GLIS3: variants seen among roughly 807,000 people sequenced by gnomAD.
The protein encoded by GLIS3 is zinc finger protein GLIS3.
A neutral mutation model predicts 78.6 loss-of-function variants in GLIS3; 53 were observed. The ratio of observed to expected loss-of-function variants is 0.67; its 90% CI spans 0.54 to 0.85. The LOEUF (loss-of-function observed/expected upper bound fraction) is 0.85. Among genes scored for constraint, GLIS3 ranks in the 40% least tolerant of loss-of-function variants. The pLI, the probability that GLIS3 is intolerant of heterozygous loss-of-function variation, is 0.00. For synonymous variants in GLIS3, 684 were observed against 509.9 expected, an observed-to-expected ratio of 1.34 and a Z score of -4.60; for missense variants, 1,703 against 1,231.1, an observed-to-expected ratio of 1.38 and a Z score of -5.74.
intron 2 of GLIS3, among the ~76,000 whole-genome samples, chr9:4,162,144 G>A (rs1274298716): frequency 2.0e-5 from 3 of 152,086 alleles, no homozygotes; most frequent in Non-Finnish European, 2.9e-5. Flanking sequence ...CACCTCCTCT[G>A]TCGTCATGTG....
At position 3,985,050 on chromosome 9, in the gene GLIS3, G is replaced by C. The variant is rs1196075516; in HGVS notation, c.1711-47861C>G. Among the ~76,000 whole-genome samples the C allele has an allele frequency of 3.3e-5, 5 of 150,834 alleles. No individual in the cohort carries two copies. In the East Asian group the frequency reaches 9.7e-4, roughly 29 times the overall value. ...TTGTAAATTGCCCAGTCTCAGGTAT[G>C]TCTTCATCAGCAGTGTAAGAACAGA... On this transcript the variant is annotated intron_variant, in intron 4 of 10. Transcript: ENST00000381971.
chr9:3,959,185 T>C (rs974643531), intron 4 of GLIS3, among the ~76,000 whole-genome samples: 2 of 152,206 alleles, frequency 1.3e-5, no homozygotes, highest in African/African-American at 4.8e-5. Flanking sequence ...CAGAGCCCTC[T>C]TGAATGGGAT....
intron 1 of GLIS3, among the ~76,000 whole-genome samples, chr9:4,288,247 T>C (rs1828164163): frequency 6.6e-6 from 1 of 152,244 alleles, no homozygotes; most frequent in African/African-American, 2.4e-5. Context: ...GCCATCTATT[T>C]TCCTCTCATT....
intron 4 of GLIS3, among the ~76,000 whole-genome samples, chr9:3,940,549 T>C (rs899792398): frequency 3.3e-5 from 5 of 152,152 alleles, no homozygotes; most frequent in African/African-American, 9.7e-5. Context: ...GTAGGAACCA[T>C]GAGCCCAGGA....
At chr9:4,098,390 G>C (rs1035638052) in intron 4 of GLIS3, among the ~76,000 whole-genome samples, 5 of 152,196 alleles carry the variant, frequency 3.3e-5, no homozygotes, top group African/African-American at 1.2e-4. Context: ...GAATGATATA[G>C]AAGGGACACC....
intron 2 of GLIS3, among the ~76,000 whole-genome samples, chr9:4,202,712 A>G (rs1326976845): frequency 1.3e-5 from 2 of 152,214 alleles, no homozygotes; most frequent in Non-Finnish European, 2.9e-5. Context: ...AAAGTAAGCA[A>G]TGGGGAAAGG....
At chr9:4,084,928 G>A (rs1828896081) in intron 4 of GLIS3, among the ~76,000 whole-genome samples, 1 of 151,694 alleles carries the variant, frequency 6.6e-6, no homozygotes, top group Non-Finnish European at 1.5e-5. Context: ...AAAAGACGCA[G>A]ATAAGGGTGA....
At chr9:4,039,997 G>C (rs924716407) in intron 4 of GLIS3, among the ~76,000 whole-genome samples, 11 of 152,146 alleles carry the variant, frequency 7.2e-5, no homozygotes, top group African/African-American at 1.2e-4. Context: ...CTTAAGAGGA[G>C]AGCCAAGAGA....
At chr9:4,389,520 G>C in the GLIS3 span, among the ~76,000 whole-genome samples, 42 of 152,310 alleles carry the variant, frequency 2.8e-4, no homozygotes, top group Admixed American at 1.6e-3. Context: ...GTCCTGTAGA[G>C]TCTGCATTTC....
chr9:3,899,622 T>A (rs1823135370), intron 6 of GLIS3, among the ~76,000 whole-genome samples: 1 of 152,212 alleles, frequency 6.6e-6, no homozygotes, highest in South Asian at 2.1e-4. Flanking sequence ...ATGTATTTGT[T>A]ACAAATATTG....
intron 6 of GLIS3, among the ~76,000 whole-genome samples, chr9:3,924,599 C>T (rs1002068994): frequency 6.6e-6 from 1 of 152,112 alleles, no homozygotes; most frequent in Non-Finnish European, 1.5e-5. Flanking sequence ...ATCAGAGAGC[C>T]AAGATACAAA....
At chr9:4,379,281 C>G in the GLIS3 span, among the ~76,000 whole-genome samples, 10 of 152,206 alleles carry the variant, frequency 6.6e-5, no homozygotes, top group Non-Finnish European at 1.5e-4. Context: ...TCTTCTTCAG[C>G]CTCTTGAACC....
At chr9:3,982,755 G>T (rs181177214) in intron 4 of GLIS3, among the ~76,000 whole-genome samples, 4 of 151,942 alleles carry the variant, frequency 2.6e-5, no homozygotes, top group African/African-American at 7.3e-5. Context: ...AACTTTTCTC[G>T]CCAAAACAGA....
At chr9:4,313,517 C>T (rs970221983) in intron 2 of GLIS3, among the ~76,000 whole-genome samples, 1 of 152,204 alleles carries the variant, frequency 6.6e-6, no homozygotes, top group Non-Finnish European at 1.5e-5. Context: ...CATTGGCCTC[C>T]AGTCTCTCCC....
intron 2 of GLIS3, among the ~76,000 whole-genome samples, chr9:4,333,291 G>A (rs1817711908): frequency 6.7e-6 from 1 of 150,032 alleles, no homozygotes; most frequent in African/African-American, 2.5e-5. Flanking sequence ...GGTAGGGGCA[G>A]GGGAAGGGAA....
At chr9:4,133,013 C>G (rs1173691396) in intron 2 of GLIS3, among the ~76,000 whole-genome samples, 1 of 152,174 alleles carries the variant, frequency 6.6e-6, no homozygotes, top group Non-Finnish European at 1.5e-5. Context: ...CTCACTGCCT[C>G]TAAGCAGCAG....
intron 4 of GLIS3, among the ~76,000 whole-genome samples, chr9:3,967,040 A>AAAAAAAAAAAAAG (rs1226736845): frequency 3.9e-5 from 5 of 129,628 alleles, no homozygotes; most frequent in Admixed American, 8.6e-5. Flanking sequence ...AAAACAAAAA[A>AAAAAAAAAAAAAG]ACATTTTGAG....
intron 4 of GLIS3, among the ~76,000 whole-genome samples, chr9:3,984,040 G>A (rs1819527408): frequency 6.6e-6 from 1 of 152,240 alleles, no homozygotes; most frequent in Non-Finnish European, 1.5e-5. Flanking sequence ...GGCCTAGGAG[G>A]AAAAACTGGT....
intron 7 of GLIS3, among the ~76,000 whole-genome samples, chr9:3,887,995 G>A (rs1202903414): frequency 1.3e-5 from 2 of 151,996 alleles, no homozygotes; most frequent in Non-Finnish European, 2.9e-5. Flanking sequence ...ACTCACCTTC[G>A]AAGGATTCAT....
Sources: gnomAD v4.1 joint callset for allele counts (sites outside exome capture counted in the v4.1 genomes callset) on GRCh38, gnomAD v4.1.1 for gene constraint, MANE v1.5 for transcripts, NCBI Gene and HGNC (gene_info 2026-07-23, HGNC 2026-07-21) for gene names.